RNF44: variants seen among roughly 807,000 people sequenced by gnomAD.
RNF44 encodes ring finger protein 44.
In RNF44, 25 loss-of-function variants were observed where a neutral mutation model predicts 53.6. The ratio of observed to expected loss-of-function variants is 0.47; its 90% CI spans 0.34 to 0.65. RNF44 has a LOEUF of 0.65. Among genes scored for constraint, RNF44 ranks in the 30% least tolerant of loss-of-function variants. RNF44 has a pLI of 0.01. For synonymous variants in RNF44, 282 were observed against 252.2 expected, an observed-to-expected ratio of 1.12 and a Z score of -1.12; for missense variants, 581 against 595.5, an observed-to-expected ratio of 0.98 and a Z score of 0.25.
In RNF44 at chr5:176,531,708, C is replaced by G; in HGVS notation, c.298-78G>C. On this transcript the variant is annotated intron_variant, in intron 3 of 10. Coordinates refer to ENST00000274811, the MANE Select transcript of RNF44 (RefSeq NM_014901.5). This position sits in a 1 kb window ranked among gnomAD's most constrained non-coding sequence, Gnocchi z 4.2. ...GCTACTCTCAGGAGAAATCATCCTG[C>G]CACATCCAGCTGCCGGCTCCCTTCC... 1.4e-6 allele frequency: 2 copies of G among 1,397,690 alleles called. No individual in the cohort carries two copies. The highest frequency in any genetic ancestry group is 1.4e-5 in the African/African-American group (1 of 69,872). 86.6% of individuals were successfully genotyped at this position (1,397,690 alleles called of 1,614,324 possible).
chr5:176,535,665 A>G (rs565627724), intron 1 of RNF44, among the ~76,000 whole-genome samples: 1 of 152,344 alleles, frequency 6.6e-6, no homozygotes, highest in South Asian at 2.1e-4. Context: ...CCGAGTCTCC[A>G]AGCCATACAG....
At chr5:176,536,443 T>C (rs1327956521) in intron 1 of RNF44, 1 of 152,232 alleles carries the variant, frequency 6.6e-6, no homozygotes, top group Non-Finnish European at 1.5e-5. Context: ...GTGCACGCTG[T>C]GGGGCTCTGG....
upstream of RNF44, among the ~76,000 whole-genome samples, chr5:176,541,097 A>G (rs188635086): frequency 6.6e-4 from 100 of 152,290 alleles, no homozygotes; most frequent in African/African-American, 2.1e-3. Context: ...GTTCAGAGCC[A>G]TGGAGGGGCA....
chr5:176,533,304 T>C lies in RNF44; in HGVS notation c.-44-788A>G, dbSNP rs548778213. On this transcript the variant is annotated intron_variant, in intron 1 of 10. Transcript: ENST00000274811. ...GGGCTTCCAGTCCAAAGCAAGACAC[T>C]ATTCTTTCTTTCCTTAACCTGCTCC... 2.4e-4 allele frequency among the ~76,000 whole-genome samples: 37 copies of C among 152,276 alleles called. 2 individuals are homozygous for C. The South Asian group carries it at 7.7e-3, about 32-fold the overall frequency.
chr5:176,540,387 C>G (rs1757420675), upstream of RNF44, among the ~76,000 whole-genome samples: 1 of 152,192 alleles, frequency 6.6e-6, no homozygotes, highest in Admixed American at 6.5e-5. Flanking sequence ...TACTTTTAAG[C>G]CACCAAGCTT....
chr5:176,526,787 C>G lies in RNF44; in HGVS notation c.*2241G>C, dbSNP rs1756064355. ...AATATTAAAAAAAATAATGATTGCA[C>G]TACTTGGTCAAGCAGAACTAGCAAC... is the stretch of plus-strand genomic sequence containing the variant. On this transcript the variant is annotated 3_prime_UTR_variant, in exon 11 of 11. Transcript: ENST00000274811. 1 of 152,364 alleles carries G rather than the reference C, an allele frequency of 6.6e-6. No homozygotes were observed. Among genetic ancestry groups the G allele is most frequent in the Non-Finnish European group, 1.5e-5 (1 of 68,018 alleles). The allele number at this position is 152,364 out of a possible 1,614,324, so 9.4% of individuals were successfully genotyped here.
At position 176,530,890 on chromosome 5, in the gene RNF44, G is replaced by A. The variant is rs1463145860; in HGVS notation, c.597C>T (p.Pro199=). The change falls in exon 5 of 11, where the codon CCC becomes CCT. Residue 199 remains proline, a synonymous_variant. Coordinates refer to ENST00000274811, the MANE Select transcript of RNF44 (RefSeq NM_014901.5). ...TCTGCAGAGACACAAACTGCCCCAG[G>A]GGCGCCATGTGGGTGGGCTGGGGGG... ...APPPQPTHMA[P]LGQFVSLQTQ... The A allele has an allele frequency of 7.1e-7, 1 of 1,412,004 alleles. No individual in the cohort carries two copies. The highest frequency in any genetic ancestry group is 9.2e-7 in the Non-Finnish European group (1 of 1,084,246). The allele number at this position is 1,412,004 out of a possible 1,614,324, so 87.5% of individuals were successfully genotyped here.
intron 1 of RNF44, 27 bp from the exon 2 acceptor site, chr5:176,532,543 G>A (rs1315053547): frequency 1.4e-5 from 20 of 1,457,484 alleles, no homozygotes; most frequent in Non-Finnish European, 1.8e-5. Context: ...CAAGAAGACT[G>A]AGGCACCTGG....
chr5:176,529,467 C>G (rs572844949), intron 9 of RNF44, 56 bp downstream of exon 9: 11 of 1,607,488 alleles, frequency 6.8e-6, no homozygotes, highest in Non-Finnish European at 8.5e-6. Context: ...CTGAGAGGGG[C>G]GTCCCACGGC....
upstream of RNF44, chr5:176,537,413 C>G (rs1757298473): frequency 6.6e-6 from 1 of 151,314 alleles, no homozygotes; most frequent in Non-Finnish European, 1.5e-5. Flanking sequence ...GCAGGGGCCC[C>G]GCCCCGCGCC....
chr5:176,530,567 C>T lies in RNF44; in HGVS notation c.801+15G>A, dbSNP rs372547760. ...GCTGCCCTGGAGCCCAGGTGGGGGT[C>T]GGGGTGGCACTCACCACACCAAAGG... On this transcript the variant is annotated intron_variant, in intron 6 of 10. Transcript: ENST00000274811. 9.9e-6 allele frequency: 14 copies of T among 1,413,560 alleles called. No homozygotes were observed. The African/African-American group carries it at 1.1e-4, about 11-fold the overall frequency. The allele number at this position is 1,413,560 out of a possible 1,614,324, so 87.6% of individuals were successfully genotyped here.
At chr5:176,532,901 T>A (rs556971823) in intron 1 of RNF44, among the ~76,000 whole-genome samples, 1 of 152,154 alleles carries the variant, frequency 6.6e-6, no homozygotes, top group Admixed American at 6.5e-5. Flanking sequence ...TGGGGTCCAG[T>A]GCTGACACGC....
At chr5:176,530,027 G>A (rs892889412) in intron 7 of RNF44, 55 bp downstream of exon 7, 15 of 1,433,144 alleles carry the variant, frequency 1.0e-5, no homozygotes, top group Non-Finnish European at 1.4e-5. Context: ...CTAACCACTG[G>A]AGGTTCCAGG....
intron 1 of RNF44, 84 bp downstream of exon 1, chr5:176,536,856 A>G (rs912495839): frequency 6.6e-6 from 1 of 151,874 alleles, no homozygotes; most frequent in Non-Finnish European, 1.5e-5. Context: ...AGCCACCTAG[A>G]TCACGGCCCC....
Position 176,530,975 on chromosome 5 carries a change from G to T in RNF44, c.512C>A (p.Ala171Asp). 1 of 1,457,930 alleles carries T rather than the reference G, an allele frequency of 6.9e-7. No individual in the cohort carries two copies. 90.3% of individuals were successfully genotyped at this position (1,457,930 alleles called of 1,614,324 possible). A position where few individuals can be genotyped will look rare whatever the true frequency, so the allele number is the denominator to read the frequency against. Residue 171 changes from alanine to aspartate, a missense_variant, in exon 5 of 11, where the codon GCC becomes GAC. By Grantham distance (126) the Ala-to-Asp change is moderately radical. Around this residue, in one of 3 missense-constraint regions of RNF44, gnomAD observed 387 missense variants for 366.0 expected, o/e 1.06. Transcript: ENST00000274811. ...GTCACTGGAGATGAGGTGGGGGTAG[G>T]CCTGATAGGGCACAGGCAGCTGCTG... is the stretch of plus-strand genomic sequence containing the variant. ...TMQQLPVPYQ[A>D]YPHLISSDHY...
chr5:176,532,638 G>C (rs1756804885), intron 1 of RNF44, 122 bp from the exon 2 acceptor site: 1 of 793,386 alleles, frequency 1.3e-6, no homozygotes, highest in African/African-American at 1.8e-5. Context: ...AGCTACTTGG[G>C]AGGCTGAGGC....
At chr5:176,538,797 G>C (rs1435197689), upstream of RNF44, among the ~76,000 whole-genome samples, 2 of 152,190 alleles carry the variant, frequency 1.3e-5, no homozygotes, top group East Asian at 3.8e-4. Flanking sequence ...AGTTCTAACA[G>C]TATGTATCAG....
chr5:176,538,531 A>G (rs1365835654), upstream of RNF44, among the ~76,000 whole-genome samples: 1 of 152,034 alleles, frequency 6.6e-6, no homozygotes, highest in Non-Finnish European at 1.5e-5. Flanking sequence ...GAGCTGGAAC[A>G]GGTCGAATAA....
chr5:176,532,482 A>AGG lies in RNF44; in HGVS notation c.-12_-11dup. On this transcript the variant is annotated 5_prime_UTR_variant, in exon 2 of 11. Transcript: ENST00000274811. ...GAGCCCATGGTCGCATCGGGGGGGC[A>AGG]GGGGGGTGGAGGGGCTGGGCCGGGA... 1.3e-6 allele frequency: 1 copy of AGG among 751,830 alleles called. No individual in the cohort carries two copies. The allele number at this position is 751,830 out of a possible 1,614,324, so 46.6% of individuals were successfully genotyped here.
Sources: allele counts gnomAD v4.1 joint callset (sites outside exome capture counted in the v4.1 genomes callset), GRCh38; gene constraint gnomAD v4.1.1; regional missense constraint gnomAD v4.1.1; non-coding constraint Gnocchi (gnomAD v3.1); transcripts MANE v1.5; gene names NCBI Gene and HGNC (gene_info 2026-07-23, HGNC 2026-07-21).